NRXN1: variants seen among roughly 807,000 people sequenced by gnomAD.
The protein encoded by NRXN1 is neurexin-1.
In NRXN1, 39 loss-of-function variants were observed where a neutral mutation model predicts 150.9. The ratio of observed to expected loss-of-function variants is 0.26; its 90% CI spans 0.20 to 0.34. NRXN1 has a LOEUF of 0.34. Ranked by LOEUF, NRXN1 falls within the 10% of genes least tolerant of loss-of-function variation. The probability of loss-of-function intolerance (pLI) is 1.00; values close to 1 mark genes in which losing one functional copy is unlikely to be tolerated. For missense variants in NRXN1, 1,815 were observed against 1,949.9 expected (o/e 0.93, Z 1.30); for synonymous variants, 924 against 757.0 (o/e 1.22, Z -3.62).
chr2:49,926,728 C>T lies in NRXN1; in HGVS notation c.4217-4477G>A, dbSNP rs115325995. 3.8e-3 allele frequency among the ~76,000 whole-genome samples: 580 copies of T among 152,244 alleles called. 4 individuals are homozygous for T. Among genetic ancestry groups the T allele is most frequent in the African/African-American group, 0.013 (551 of 41,546 alleles). On this transcript the variant is annotated intron_variant, in intron 22 of 22. Coordinates refer to ENST00000401669, the MANE Select transcript of NRXN1 (RefSeq NM_001330078.2). Reference sequence around the variant, plus strand: ...TTTAAACAACAACAGGAAAGGAAATCGCCCTATGTATTATTTATTTATTTT... The same window carrying T: ...TTTAAACAACAACAGGAAAGGAAATTGCCCTATGTATTATTTATTTATTTT...
intron 21 of NRXN1, among the ~76,000 whole-genome samples, chr2:50,018,127 T>C (rs1686953002): frequency 6.6e-6 from 1 of 152,154 alleles, no homozygotes; most frequent in East Asian, 1.9e-4. Context: ...TGCACTTCTC[T>C]AAACATTTTG....
intron 5 of NRXN1, among the ~76,000 whole-genome samples, chr2:50,882,822 G>A (rs200554814): frequency 6.6e-6 from 1 of 151,674 alleles, no homozygotes; most frequent in South Asian, 2.1e-4. Flanking sequence ...ATCATAAATT[G>A]TGTATCATTT....
At chr2:50,540,616 T>C (rs1277175379) in intron 9 of NRXN1, among the ~76,000 whole-genome samples, 1 of 152,004 alleles carries the variant, frequency 6.6e-6, no homozygotes, top group Non-Finnish European at 1.5e-5. Context: ...AAGCACATAT[T>C]ATCATGGAAA....
At chr2:50,711,124 C>G (rs1695078574) in intron 5 of NRXN1, among the ~76,000 whole-genome samples, 1 of 152,120 alleles carries the variant, frequency 6.6e-6, no homozygotes, top group Non-Finnish European at 1.5e-5. Context: ...TAACCCTTAA[C>G]AACCCTGCGT....
At chr2:50,967,516 G>C (rs1034600765) in intron 2 of NRXN1, among the ~76,000 whole-genome samples, 3 of 151,834 alleles carry the variant, frequency 2.0e-5, no homozygotes, top group African/African-American at 4.8e-5. Context: ...GGAAGTATGG[G>C]CACTGATTAT....
chr2:51,013,594 T>A (rs1668230876), intron 2 of NRXN1, among the ~76,000 whole-genome samples: 1 of 151,900 alleles, frequency 6.6e-6, no homozygotes, highest in Non-Finnish European at 1.5e-5. Context: ...ACTACAGAAC[T>A]GAAAATATAT....
intron 5 of NRXN1, among the ~76,000 whole-genome samples, chr2:50,678,510 T>C (rs1689870413): frequency 1.3e-5 from 2 of 152,168 alleles, no homozygotes; most frequent in Admixed American, 6.6e-5. Context: ...TAGAATCAAC[T>C]CTTACAAGTC....
chr2:50,080,611 T>C (rs1697813769), intron 19 of NRXN1, among the ~76,000 whole-genome samples: 1 of 152,204 alleles, frequency 6.6e-6, no homozygotes, highest in Non-Finnish European at 1.5e-5. Context: ...AGGATATTCA[T>C]TATGTAATGC....
intron 18 of NRXN1, among the ~76,000 whole-genome samples, chr2:50,206,338 G>A (rs773412197): frequency 6.6e-6 from 1 of 151,932 alleles, no homozygotes; most frequent in Non-Finnish European, 1.5e-5. Flanking sequence ...TATTCACGAG[G>A]TGGTCAGACC....
At chr2:50,496,237 G>C in intron 14 of NRXN1, 142 bp from the exon 15 acceptor site, 1 of 582,206 alleles carries the variant, frequency 1.7e-6, no homozygotes, top group Non-Finnish European at 3.0e-6. Context: ...TAGAAACTCA[G>C]CTATCAAGAA....
chr2:50,526,468 T>C (rs1007586441), intron 12 of NRXN1, among the ~76,000 whole-genome samples: 1 of 152,208 alleles, frequency 6.6e-6, no homozygotes, highest in African/African-American at 2.4e-5. Context: ...CAGTCTTTCA[T>C]TAAACTGCAA....
intron 21 of NRXN1, among the ~76,000 whole-genome samples, chr2:49,984,261 A>C (rs983818219): frequency 2.6e-5 from 4 of 152,184 alleles, no homozygotes; most frequent in African/African-American, 9.6e-5. Context: ...AACACACAGA[A>C]ATGTGGCTAG....
At chr2:50,257,016 G>T (rs749660764) in intron 17 of NRXN1, among the ~76,000 whole-genome samples, 14 of 151,920 alleles carry the variant, frequency 9.2e-5, no homozygotes, top group Non-Finnish European at 1.8e-4. Context: ...ACAGCAAAGG[G>T]TGTTTATCCA....
At chr2:50,263,747 G>A (rs1414920617) in intron 17 of NRXN1, among the ~76,000 whole-genome samples, 1 of 152,102 alleles carries the variant, frequency 6.6e-6, no homozygotes, top group African/African-American at 2.4e-5. Context: ...AGGTCTCCAA[G>A]CTGTCTGTGC....
Position 50,472,471 on chromosome 2 carries a change from C to T in NRXN1, c.3071G>A (p.Ser1024Asn). The T allele has an allele frequency of 5.6e-6, 9 of 1,607,998 alleles. No individual in the cohort carries two copies. The highest frequency in any genetic ancestry group is 7.7e-6 in the Non-Finnish European group (9 of 1,176,200). Reference protein sequence around the residue: ...TAGARNLDLKSDLYIGGVAKE... With the variant: ...TAGARNLDLKNDLYIGGVAKE... ...AGCTACTCCTCCTATATATAAGTCA[C>T]CTGCAAGAAGATCAAAGTCTTTGTT... The change falls in exon 16 of 23, where the codon AGT becomes AAT. Residue 1024 changes from serine to asparagine, a missense_variant and splice_region_variant. By Grantham distance (46) the Ser-to-Asn change is conservative (BLOSUM62 1). Coordinates refer to ENST00000401669, the MANE Select transcript of NRXN1 (RefSeq NM_001330078.2).
chr2:50,315,468 G>T (rs1324362887), intron 17 of NRXN1, among the ~76,000 whole-genome samples: 1 of 152,058 alleles, frequency 6.6e-6, no homozygotes, highest in Non-Finnish European at 1.5e-5. Context: ...CATGCTCTTT[G>T]CTCACAGTTA....
rs144847781 is a variant in NRXN1 at position 50,751,699 on chromosome 2, T to C, written c.833-128084A>G. ...ATTCCTGCATTAAAGAGTAAAAGCA[T>C]CTCTGTTCAGCTTTCAAACAGCCTA... On this transcript the variant is annotated intron_variant, in intron 5 of 22. Coordinates refer to ENST00000401669, the MANE Select transcript of NRXN1 (RefSeq NM_001330078.2). 3.4e-3 allele frequency among the ~76,000 whole-genome samples: 512 copies of C among 152,052 alleles called. 3 individuals are homozygous for C. Among genetic ancestry groups the C allele is most frequent in the African/African-American group, 0.011 (469 of 41,518 alleles).
At chr2:50,430,589 G>A (rs748269792) in intron 17 of NRXN1, among the ~76,000 whole-genome samples, 6 of 152,148 alleles carry the variant, frequency 3.9e-5, no homozygotes, top group Admixed American at 6.5e-5. Flanking sequence ...TTAATAACAA[G>A]CACAGCCCTG....
rs189161060 is a variant in NRXN1, at chr2:49,933,247, C to T, written c.4216+10457G>A. Among the ~76,000 whole-genome samples the T allele has an allele frequency of 6.2e-3, 949 of 152,114 alleles. 11 individuals carry two copies. The highest frequency in any genetic ancestry group is 0.058 in the Middle Eastern group (17 of 294). Reference sequence around the variant, plus strand: ...GACTACACGCACCTGCCACCACGCCCGGCTAATTTTTTGAATTTTTGGTAG... The same window carrying T: ...GACTACACGCACCTGCCACCACGCCTGGCTAATTTTTTGAATTTTTGGTAG... On this transcript the variant is annotated intron_variant, in intron 22 of 22. Transcript: ENST00000401669.
Sources: allele counts gnomAD v4.1 joint callset (sites outside exome capture counted in the v4.1 genomes callset), GRCh38; gene constraint gnomAD v4.1.1; transcripts MANE v1.5; gene names NCBI Gene and HGNC (gene_info 2026-07-23, HGNC 2026-07-21).